Variants in PPP1R12B observed in about 807,000 individuals in gnomAD.
PPP1R12B encodes protein phosphatase 1 regulatory subunit 12B.
PPP1R12B carries 76 observed loss-of-function variants against 126.1 expected under a neutral mutation model. The observed-to-expected ratio is 0.60, with a 90% CI of 0.50 to 0.73. The LOEUF is 0.73. PPP1R12B is among the 30% of genes least tolerant of loss of function. The probability of loss-of-function intolerance (pLI) is 0.00; values close to 1 mark genes in which losing one functional copy is unlikely to be tolerated. For missense variants in PPP1R12B, 1,052 were observed against 1,205.1 expected, an observed-to-expected ratio of 0.87 and a Z score of 1.88; for synonymous variants, 356 against 434.7, an observed-to-expected ratio of 0.82 and a Z score of 2.25.
chr1:202,569,372 G>A (rs1432562737), intron 23 of PPP1R12B, among the ~76,000 whole-genome samples, 175 bp downstream of exon 23: 2 of 152,140 alleles, frequency 1.3e-5, no homozygotes, highest in African/African-American at 4.8e-5. Flanking sequence ...GGCTCTCTCA[G>A]CTCACACAAC....
In PPP1R12B at chr1:202,582,432, C is replaced by T. The variant is rs1689596175; in HGVS notation, c.*1872C>T. On this transcript the variant is annotated 3_prime_UTR_variant, in exon 24 of 24. Transcript: ENST00000608999. Reference sequence around the variant, plus strand: ...TTGAGTGTGCAAGTCATTAAATCCTCATCATTTTAGGGTTGCCAGTGATAT... The same window carrying T: ...TTGAGTGTGCAAGTCATTAAATCCTTATCATTTTAGGGTTGCCAGTGATAT... 1.3e-5 allele frequency: 2 copies of T among 152,634 alleles called. No homozygotes were observed. The highest frequency in any genetic ancestry group is 4.8e-5 in the African/African-American group (2 of 41,444). 9.5% of individuals were successfully genotyped at this position (152,634 alleles called of 1,614,324 possible). A position where few individuals can be genotyped will look rare whatever the true frequency, so the allele number is the denominator to read the frequency against.
intron 9 of PPP1R12B, among the ~76,000 whole-genome samples, chr1:202,436,033 G>A (rs999931281): frequency 6.6e-6 from 1 of 152,172 alleles, no homozygotes; most frequent in Non-Finnish European, 1.5e-5. Context: ...GCCAAGGTGG[G>A]CAAATCACTT....
In PPP1R12B at chr1:202,582,549, C is replaced by T. The variant is rs1445271772; in HGVS notation, c.*1989C>T. 6.6e-6 allele frequency: 1 copy of T among 152,578 alleles called. No individual in the cohort carries two copies. Among genetic ancestry groups the T allele is most frequent in the African/African-American group, 2.4e-5 (1 of 41,410 alleles). 9.5% of individuals were successfully genotyped at this position (152,578 alleles called of 1,614,324 possible). On this transcript the variant is annotated 3_prime_UTR_variant, in exon 24 of 24. Transcript: ENST00000608999. ...GACATGTAGCTCTCCATGGTCCTCC[C>T]TCTGAAACACCACATGCTGTTTAAA...
chr1:202,588,742 G>A lies in PPP1R12B; in HGVS notation c.*8182G>A, dbSNP rs1435799889. The A allele has an allele frequency of 1.3e-5, 2 of 152,058 alleles. No homozygotes were observed. The highest frequency in any genetic ancestry group is 2.4e-5 in the African/African-American group (1 of 41,352). The allele number at this position is 152,058 out of a possible 1,614,324, so 9.4% of individuals were successfully genotyped here. On this transcript the variant is annotated 3_prime_UTR_variant, in exon 24 of 24. Coordinates refer to ENST00000608999, the MANE Select transcript of PPP1R12B (RefSeq NM_002481.4). ...AGCCACAGTGAGTCATGGCCACTGA[G>A]AAGGGTCTCTGGTAGTATCAAGGAA... is the stretch of plus-strand genomic sequence containing the variant.
chr1:202,462,734 A>G, intron 13 of PPP1R12B: 3 of 973,274 alleles, frequency 3.1e-6, no homozygotes, highest in Non-Finnish European at 3.7e-6. Flanking sequence ...CCCATGTTAG[A>G]AAAGGACAGT....
intron 1 of PPP1R12B, among the ~76,000 whole-genome samples, chr1:202,410,834 G>C (rs1667287142): frequency 1.3e-5 from 2 of 152,248 alleles, no homozygotes; most frequent in South Asian, 4.1e-4. Flanking sequence ...AAGGAGCTTA[G>C]AACACGTTGT....
rs1008046290 is a variant in PPP1R12B at position 202,586,826 on chromosome 1, T to G, written c.*6266T>G. 6.6e-6 allele frequency: 1 copy of G among 152,232 alleles called. No individual in the cohort carries two copies. Among genetic ancestry groups the G allele is most frequent in the African/African-American group, 2.4e-5 (1 of 41,464 alleles). 9.4% of individuals were successfully genotyped at this position (152,232 alleles called of 1,614,324 possible). On this transcript the variant is annotated 3_prime_UTR_variant, in exon 24 of 24. Coordinates refer to ENST00000608999, the MANE Select transcript of PPP1R12B (RefSeq NM_002481.4). ...GTGGGTGTGTCTAAAGACAATACCA[T>G]TAATGAATGTTCTGGCCTTACCTAA...
intron 5 of PPP1R12B, among the ~76,000 whole-genome samples, chr1:202,427,892 C>T (rs1353566328): frequency 2.0e-5 from 3 of 152,152 alleles, no homozygotes; most frequent in Admixed American, 6.5e-5. Flanking sequence ...CCTCGTGATC[C>T]GCCTGCCTCA....
intron 18 of PPP1R12B, among the ~76,000 whole-genome samples, chr1:202,498,213 G>A (rs1679801929): frequency 6.6e-6 from 1 of 152,196 alleles, no homozygotes; most frequent in South Asian, 2.1e-4. Flanking sequence ...TGACTTGAAA[G>A]TATGAAGAAA....
At chr1:202,521,670 TAGAG>T (rs1170281863) in intron 18 of PPP1R12B, among the ~76,000 whole-genome samples, 2 of 152,088 alleles carry the variant, frequency 1.3e-5, no homozygotes, top group African/African-American at 4.8e-5. Flanking sequence ...GAATGCAGTT[TAGAG>T]AGAGTTAGAA....
rs1411532784 is a variant in PPP1R12B, at chr1:202,565,557, C to T, written c.2757+1010C>T. 1.3e-5 allele frequency among the ~76,000 whole-genome samples: 2 copies of T among 152,142 alleles called. No individual in the cohort carries two copies. Among genetic ancestry groups the T allele is most frequent in the African/African-American group, 2.4e-5 (1 of 41,432 alleles). On this transcript the variant is annotated intron_variant, in intron 21 of 23. Coordinates refer to ENST00000608999, the MANE Select transcript of PPP1R12B (RefSeq NM_002481.4). This position sits in a 1 kb window ranked among gnomAD's most constrained non-coding sequence, Gnocchi z 4.3. The stretch of plus-strand genomic sequence containing the variant: ...AATTGCATGAGCAGGAGGGTGCCAA[C>T]ACTTGGAAGACAGCCCCACAGAGCT...
At chr1:202,382,311 A>G (rs1348748075) in intron 1 of PPP1R12B, among the ~76,000 whole-genome samples, 1 of 151,610 alleles carries the variant, frequency 6.6e-6, no homozygotes, top group Admixed American at 6.6e-5. Context: ...ATTAGGAGAT[A>G]TACCTAATGG....
At chr1:202,559,279 T>C (rs1687283198) in intron 19 of PPP1R12B, among the ~76,000 whole-genome samples, 2 of 152,314 alleles carry the variant, frequency 1.3e-5, no homozygotes, top group South Asian at 4.1e-4. Flanking sequence ...ACATAGTAAG[T>C]GCCCATTAGA....
intron 13 of PPP1R12B, among the ~76,000 whole-genome samples, chr1:202,472,620 A>G (rs1392476576): frequency 2.0e-5 from 3 of 152,220 alleles, no homozygotes; most frequent in Non-Finnish European, 2.9e-5. Context: ...TAATGGAACA[A>G]ATGTTCAGAT....
rs376685448 is a variant in PPP1R12B at position 202,351,349 on chromosome 1, A to G, written c.291+2207A>G. 2.7e-4 allele frequency among the ~76,000 whole-genome samples: 41 copies of G among 151,932 alleles called. No individual in the cohort carries two copies. In the East Asian group the frequency reaches 6.0e-3, roughly 22 times the overall value. On this transcript the variant is annotated intron_variant, in intron 1 of 23. Coordinates refer to ENST00000608999, the MANE Select transcript of PPP1R12B (RefSeq NM_002481.4). ...CGTCTCCCAAGTTCAAGCTATTCTC[A>G]TGCATCAGCCTCCCAAGTAGCTGGA... is the stretch of plus-strand genomic sequence containing the variant.
chr1:202,561,653 C>T (rs1037463431), intron 19 of PPP1R12B, among the ~76,000 whole-genome samples: 1 of 152,064 alleles, frequency 6.6e-6, no homozygotes, highest in Non-Finnish European at 1.5e-5. Context: ...TTTTCTACAA[C>T]CATATATTGC....
At chr1:202,564,901 C>T (rs765166759) in intron 21 of PPP1R12B, among the ~76,000 whole-genome samples, 9 of 152,210 alleles carry the variant, frequency 5.9e-5, no homozygotes, top group Non-Finnish European at 1.2e-4. Context: ...TTTATCTACA[C>T]TTCACCTCTT....
At chr1:202,451,334 T>A (rs1672896392) in intron 13 of PPP1R12B, among the ~76,000 whole-genome samples, 1 of 149,806 alleles carries the variant, frequency 6.7e-6, no homozygotes, top group South Asian at 2.2e-4. Context: ...ACAGTGTTTG[T>A]GTCCCTGCGT....
At chr1:202,440,682 G>A in intron 10 of PPP1R12B, 24 bp from the exon 11 acceptor site, 5 of 1,572,496 alleles carry the variant, frequency 3.2e-6, no homozygotes, top group Non-Finnish European at 4.4e-6. Flanking sequence ...CCTTTCTTGT[G>A]CTTTACTTGT....
Sources: allele counts gnomAD v4.1 joint callset (sites outside exome capture counted in the v4.1 genomes callset), GRCh38; gene constraint gnomAD v4.1.1; non-coding constraint Gnocchi (gnomAD v3.1); transcripts MANE v1.5; gene names NCBI Gene and HGNC (gene_info 2026-07-23, HGNC 2026-07-21).